Variants in SMYD3 observed in about 807,000 individuals in gnomAD.
SMYD3 encodes SET and MYND domain containing 3.
A neutral mutation model predicts 57.7 loss-of-function variants in SMYD3; 36 were observed. The ratio of observed to expected loss-of-function variants is 0.62; its 90% CI spans 0.48 to 0.82. The LOEUF (loss-of-function observed/expected upper bound fraction) is 0.82, where lower values mean the gene tolerates loss of function less well. Among genes scored for constraint, SMYD3 ranks in the 40% least tolerant of loss-of-function variants. SMYD3 has a pLI of 0.00. For synonymous variants in SMYD3, 211 were observed against 195.0 expected, an observed-to-expected ratio of 1.08 and a Z score of -0.68; for missense variants, 515 against 538.8, an observed-to-expected ratio of 0.96 and a Z score of 0.44.
rs548797613 is a variant in SMYD3 at position 245,866,795 on chromosome 1, T to C, written c.814-2909A>G. 2.0e-5 allele frequency among the ~76,000 whole-genome samples: 3 copies of C among 152,270 alleles called. No homozygotes were observed. The South Asian group carries it at 6.2e-4, about 32-fold the overall frequency. On this transcript the variant is annotated intron_variant, in intron 8 of 11. Coordinates refer to ENST00000490107, the MANE Select transcript of SMYD3 (RefSeq NM_001167740.2). The stretch of plus-strand genomic sequence containing the variant: ...TTCAAATGCCTGCTTTAAGCCCGTA[T>C]TCATCTCCTAAAGATCACCTCCCTC...
intron 10 of SMYD3, among the ~76,000 whole-genome samples, chr1:245,836,677 TAAGG>T (rs2050121654): frequency 6.6e-6 from 1 of 152,164 alleles, no homozygotes; most frequent in Non-Finnish European, 1.5e-5. Flanking sequence ...CCTGCTCTTA[TAAGG>T]AAGTAGAACT....
intron 5 of SMYD3, among the ~76,000 whole-genome samples, chr1:246,294,092 T>G (rs1319683455): frequency 6.6e-6 from 1 of 152,150 alleles, no homozygotes; most frequent in Non-Finnish European, 1.5e-5. Flanking sequence ...CCTTAAATGT[T>G]CCTGTTCCAA....
chr1:246,068,784 G>A (rs1243090367), intron 5 of SMYD3, among the ~76,000 whole-genome samples: 1 of 152,166 alleles, frequency 6.6e-6, no homozygotes, highest in Non-Finnish European at 1.5e-5. Flanking sequence ...CAGTGTGAAT[G>A]GTTCTTGGAG....
At chr1:246,064,610 G>A (rs865796741) in intron 5 of SMYD3, among the ~76,000 whole-genome samples, 3 of 152,104 alleles carry the variant, frequency 2.0e-5, no homozygotes, top group African/African-American at 7.2e-5. Context: ...CTATTTTATT[G>A]ATCTATCCCC....
intron 5 of SMYD3, among the ~76,000 whole-genome samples, chr1:245,967,430 C>G (rs2058184535): frequency 6.6e-6 from 1 of 152,130 alleles, no homozygotes; most frequent in South Asian, 2.1e-4. Flanking sequence ...AGGCACAAAC[C>G]TATGATCAGT....
intron 5 of SMYD3, among the ~76,000 whole-genome samples, chr1:246,058,194 C>T (rs375603958): frequency 6.6e-6 from 1 of 152,200 alleles, no homozygotes; most frequent in African/African-American, 2.4e-5. Context: ...ATGTACAACA[C>T]CAAGAGTGAA....
intron 1 of SMYD3, among the ~76,000 whole-genome samples, chr1:246,476,422 G>A (rs779787469): frequency 2.6e-5 from 4 of 152,182 alleles, no homozygotes; most frequent in Non-Finnish European, 4.4e-5. Context: ...TGTAGATTCT[G>A]AGTTAAGTTG....
chr1:245,830,696 A>G (rs2049784500), intron 10 of SMYD3, among the ~76,000 whole-genome samples: 1 of 152,210 alleles, frequency 6.6e-6, no homozygotes, highest in Admixed American at 6.5e-5. Context: ...AAGCTTAGCG[A>G]TAACAGATTT....
chr1:245,844,706 GTCT>G (rs1458236998), intron 10 of SMYD3, among the ~76,000 whole-genome samples: 3 of 151,330 alleles, frequency 2.0e-5, no homozygotes, highest in Non-Finnish European at 4.4e-5. Context: ...TAAAGGAGAA[GTCT>G]TCTTTCTTAA....
At chr1:245,935,589 C>A (rs755049244) in intron 5 of SMYD3, among the ~76,000 whole-genome samples, 1 of 152,156 alleles carries the variant, frequency 6.6e-6, no homozygotes, top group Non-Finnish European at 1.5e-5. Context: ...CCCACTCTCA[C>A]GTGCACTGCA....
At chr1:246,361,916 C>T (rs1381903287) in intron 1 of SMYD3, among the ~76,000 whole-genome samples, 1 of 152,094 alleles carries the variant, frequency 6.6e-6, no homozygotes, top group Non-Finnish European at 1.5e-5. Flanking sequence ...TGCAACCAAA[C>T]ACCACCTGCT....
intron 5 of SMYD3, among the ~76,000 whole-genome samples, chr1:246,280,571 A>G (rs1390848287): frequency 1.3e-5 from 2 of 152,202 alleles, no homozygotes; most frequent in African/African-American, 2.4e-5. Context: ...CAGCCAGTGC[A>G]ACACAGTGAA....
Position 246,003,067 on chromosome 1 carries a change from G to A in SMYD3, c.532-73130C>T, listed in dbSNP as rs543543525. Among the ~76,000 whole-genome samples the A allele has an allele frequency of 4.6e-5, 7 of 152,372 alleles. No homozygotes were observed. In the East Asian group the frequency reaches 1.3e-3, roughly 29 times the overall value. On this transcript the variant is annotated intron_variant, in intron 5 of 11. Coordinates refer to ENST00000490107, the MANE Select transcript of SMYD3 (RefSeq NM_001167740.2). ...GGATAAGGCAGAGAAGAGAAAGGTT[G>A]TAGGTAGGAGGATTGGTGAGCAGGG...
chr1:245,772,804 A>G (rs1167213555), intron 10 of SMYD3, among the ~76,000 whole-genome samples: 3 of 152,216 alleles, frequency 2.0e-5, no homozygotes, highest in African/African-American at 4.8e-5. Context: ...TGAAATGTCC[A>G]TGTTATTCAG....
chr1:245,856,323 G>C (rs896353670), intron 10 of SMYD3, among the ~76,000 whole-genome samples: 1 of 152,174 alleles, frequency 6.6e-6, no homozygotes, highest in Admixed American at 6.5e-5. Flanking sequence ...CATGTGAAGT[G>C]GATCAATGCA....
At chr1:246,076,168 T>C (rs1416089) in intron 5 of SMYD3, among the ~76,000 whole-genome samples, 47,939 of 151,936 alleles carry the variant, frequency 0.32, 8,608 homozygotes, top group African/African-American at 0.47. Context: ...GGTCAGATTT[T>C]CTACTCCTCA....
intron 5 of SMYD3, among the ~76,000 whole-genome samples, chr1:246,110,162 A>G (rs558865996): frequency 7.2e-5 from 11 of 152,348 alleles, no homozygotes; most frequent in African/African-American, 2.4e-4. Context: ...ATTACAGTAC[A>G]TGCCACTGAG....
At chr1:246,288,976 G>T (rs2064631633) in intron 5 of SMYD3, among the ~76,000 whole-genome samples, 1 of 152,100 alleles carries the variant, frequency 6.6e-6, no homozygotes, top group Non-Finnish European at 1.5e-5. Context: ...TTAGCTGGGT[G>T]TGGTGGCGGG....
intron 1 of SMYD3, among the ~76,000 whole-genome samples, chr1:246,448,933 C>T (rs1458234307): frequency 1.3e-5 from 2 of 152,002 alleles, no homozygotes; most frequent in African/African-American, 4.8e-5. Flanking sequence ...TTTTTCCACT[C>T]TAAAGTTTAC....
Sources: gnomAD v4.1 joint callset for allele counts (sites outside exome capture counted in the v4.1 genomes callset) on GRCh38, gnomAD v4.1.1 for gene constraint, MANE v1.5 for transcripts, NCBI Gene and HGNC (gene_info 2026-07-23, HGNC 2026-07-21) for gene names.